Variants in PHLDB2 observed in about 807,000 individuals in gnomAD.
PHLDB2 encodes the protein pleckstrin homology-like domain family B member 2.
Under a neutral mutation model 123.6 loss-of-function variants are expected in PHLDB2, and 71 were observed. The ratio of observed to expected loss-of-function variants is 0.57; its 90% CI spans 0.47 to 0.70. The LOEUF (loss-of-function observed/expected upper bound fraction) is 0.70. Ranked by LOEUF, PHLDB2 falls within the 30% of genes least tolerant of loss-of-function variation. The pLI, the probability that PHLDB2 is intolerant of heterozygous loss-of-function variation, is 0.00. For synonymous variants in PHLDB2, 547 were observed against 541.6 expected (o/e 1.01, Z -0.14); for missense variants, 1,446 against 1,519.5 (o/e 0.95, Z 0.80).
intron 1 of PHLDB2, among the ~76,000 whole-genome samples, chr3:111,756,392 C>A (rs555340322): frequency 1.7e-4 from 26 of 152,250 alleles, no homozygotes; most frequent in African/African-American, 5.8e-4. Context: ...TGAATTGATC[C>A]CTTTACCATT....
chr3:111,754,152 T>C (rs577240923), intron 1 of PHLDB2, among the ~76,000 whole-genome samples: 4 of 152,000 alleles, frequency 2.6e-5, no homozygotes, highest in African/African-American at 7.2e-5. Context: ...TGGTTCCATA[T>C]GAAATTTAAA....
Position 111,739,048 on chromosome 3 carries a change from A to T in PHLDB2, c.-49+6345A>T, listed in dbSNP as rs566135331. On this transcript the variant is annotated intron_variant, in intron 1 of 17. Transcript: ENST00000393923. ...ATGGAGGCAGGGGATTGAGAGTATAACATCTCTAATGTCTTCTCTAGTTTT... is the reference window on the plus strand; with the variant it reads ...ATGGAGGCAGGGGATTGAGAGTATATCATCTCTAATGTCTTCTCTAGTTTT... Among the ~76,000 whole-genome samples the T allele has an allele frequency of 7.9e-5, 12 of 152,342 alleles. No individual in the cohort carries two copies. In the South Asian group the frequency reaches 2.3e-3, roughly 29 times the overall value.
intron 1 of PHLDB2, among the ~76,000 whole-genome samples, chr3:111,815,604 G>A (rs564843832): frequency 8.5e-5 from 13 of 152,242 alleles, no homozygotes; most frequent in South Asian, 2.1e-4. Context: ...GTATCTGGCC[G>A]AAGAAATTTC....
At chr3:111,816,683 G>A (rs1337778094) in intron 1 of PHLDB2, among the ~76,000 whole-genome samples, 1 of 152,224 alleles carries the variant, frequency 6.6e-6, no homozygotes, top group East Asian at 1.9e-4. Flanking sequence ...ATGTCGGACT[G>A]TGAACTTTTG....
At chr3:111,943,775 C>T (rs1057035973) in intron 8 of PHLDB2, among the ~76,000 whole-genome samples, 1 of 152,164 alleles carries the variant, frequency 6.6e-6, no homozygotes, top group Non-Finnish European at 1.5e-5. Flanking sequence ...AACTTTCATA[C>T]ATTGCTGACT....
At chr3:111,791,252 G>A (rs748400298) in intron 1 of PHLDB2, among the ~76,000 whole-genome samples, 3 of 152,120 alleles carry the variant, frequency 2.0e-5, no homozygotes, top group East Asian at 1.9e-4. Context: ...GTGTTCACAC[G>A]CCCTGCTATG....
intron 12 of PHLDB2, among the ~76,000 whole-genome samples, chr3:111,955,771 C>T (rs1057505265): frequency 7.9e-5 from 12 of 152,052 alleles, no homozygotes; most frequent in South Asian, 2.1e-4. Context: ...TTCCCACCGT[C>T]GGAAGACATC....
intron 5 of PHLDB2, among the ~76,000 whole-genome samples, chr3:111,930,309 G>A (rs1577112307): frequency 6.6e-6 from 1 of 152,104 alleles, no homozygotes; most frequent in Non-Finnish European, 1.5e-5. Flanking sequence ...TTTTAGGCCA[G>A]TGGCTTTCTG....
chr3:111,806,315 G>T (rs1398685218), intron 1 of PHLDB2, among the ~76,000 whole-genome samples: 1 of 151,872 alleles, frequency 6.6e-6, no homozygotes, highest in Non-Finnish European at 1.5e-5. Flanking sequence ...CACACCTGTG[G>T]CAGTCAATCC....
At chr3:111,793,515 G>A (rs188802638) in intron 1 of PHLDB2, among the ~76,000 whole-genome samples, 8 of 152,038 alleles carry the variant, frequency 5.3e-5, no homozygotes, top group Admixed American at 5.2e-4. Flanking sequence ...CACTGTGGCC[G>A]AGCTGATAAC....
chr3:111,839,870 A>G (rs923368502), intron 1 of PHLDB2, among the ~76,000 whole-genome samples: 3 of 149,260 alleles, frequency 2.0e-5, no homozygotes, highest in Admixed American at 1.3e-4. Flanking sequence ...AATATGCCTC[A>G]ATTTCTATTT....
chr3:111,789,268 A>G (rs569875437), intron 1 of PHLDB2, among the ~76,000 whole-genome samples: 1 of 152,336 alleles, frequency 6.6e-6, no homozygotes, highest in East Asian at 1.9e-4. Context: ...TATAGACTCC[A>G]ATAGAACTCC....
rs532418514 is a variant in PHLDB2, at chr3:111,955,043, C to T, written c.2872+1014C>T. 2.3e-4 allele frequency among the ~76,000 whole-genome samples: 34 copies of T among 146,806 alleles called. No individual in the cohort carries two copies. The East Asian group carries it at 2.7e-3, about 12-fold the overall frequency. On this transcript the variant is annotated intron_variant, in intron 12 of 17. Transcript: ENST00000431670. Reference sequence around the variant, plus strand: ...TCCATCAGGGGAAAATATATATATACACACACACACACACGCACATATATG... The same window carrying T: ...TCCATCAGGGGAAAATATATATATATACACACACACACACGCACATATATG...
intron 1 of PHLDB2, among the ~76,000 whole-genome samples, chr3:111,834,158 TTATATATGTAATAGA>T (rs1559858049): frequency 1.5e-3 from 94 of 63,254 alleles, no homozygotes; most frequent in Non-Finnish European, 2.3e-3. Context: ...ATTATATATA[TTATATATGTAATAGA>T]ATTATATATA....
chr3:111,922,417 T>C (rs149954281), intron 5 of PHLDB2, among the ~76,000 whole-genome samples: 13 of 152,320 alleles, frequency 8.5e-5, no homozygotes, highest in African/African-American at 3.1e-4. Flanking sequence ...GCAAGGAAGC[T>C]ACCTCCATCC....
At chr3:111,803,907 T>TG (rs1308153240) in intron 1 of PHLDB2, among the ~76,000 whole-genome samples, 4 of 152,108 alleles carry the variant, frequency 2.6e-5, no homozygotes, top group African/African-American at 9.7e-5. Context: ...ATCTTGAGAG[T>TG]GGGGGGCATT....
intron 1 of PHLDB2, among the ~76,000 whole-genome samples, chr3:111,808,031 T>A (rs1424694974): frequency 1.3e-5 from 2 of 150,664 alleles, no homozygotes; most frequent in South Asian, 4.2e-4. Flanking sequence ...CTGGGGAGTG[T>A]TAAAAATTAC....
At chr3:111,926,707 G>T (rs1559907247) in intron 5 of PHLDB2, among the ~76,000 whole-genome samples, 1 of 152,056 alleles carries the variant, frequency 6.6e-6, no homozygotes, top group South Asian at 2.1e-4. Context: ...GGCAGAGAAT[G>T]GTTGGTTACT....
intron 8 of PHLDB2, among the ~76,000 whole-genome samples, chr3:111,943,036 G>T (rs1367427566): frequency 2.0e-5 from 3 of 151,972 alleles, no homozygotes; most frequent in Non-Finnish European, 4.4e-5. Flanking sequence ...ATATAACATA[G>T]TTACCACCAA....
Sources: gnomAD v4.1 joint callset for allele counts (sites outside exome capture counted in the v4.1 genomes callset) on GRCh38, gnomAD v4.1.1 for gene constraint, MANE v1.5 for transcripts, NCBI Gene and HGNC (gene_info 2026-07-23, HGNC 2026-07-21) for gene names.